Variants in CACNA2D3 observed in about 807,000 individuals in gnomAD.
CACNA2D3 encodes calcium voltage-gated channel auxiliary subunit alpha2delta 3.
CACNA2D3 carries 60 observed loss-of-function variants against 160.6 expected under a neutral mutation model. That is an observed-to-expected ratio of 0.37 (90% CI 0.30 to 0.46). The LOEUF is 0.46. Among genes scored for constraint, CACNA2D3 ranks in the 20% least tolerant of loss-of-function variants. CACNA2D3 has a pLI of 1.00. For missense variants in CACNA2D3, 1,205 were observed against 1,365.0 expected (o/e 0.88, Z 1.85); for synonymous variants, 558 against 492.9 (o/e 1.13, Z -1.75).
chr3:54,341,941 A>G (rs1319575061), intron 3 of CACNA2D3, among the ~76,000 whole-genome samples: 5 of 152,194 alleles, frequency 3.3e-5, no homozygotes, highest in South Asian at 2.1e-4. Context: ...GTGATCAGGC[A>G]TGGTTCTGAT....
At position 54,871,484 on chromosome 3, in the gene CACNA2D3, C is replaced by T. The variant is rs1332939227; in HGVS notation, c.1627-55C>T. 4.4e-6 allele frequency: 6 copies of T among 1,360,586 alleles called. No individual in the cohort carries two copies. In the African/African-American group the frequency reaches 7.2e-5, roughly 16 times the overall value. The allele number at this position is 1,360,586 out of a possible 1,614,324, so 84.3% of individuals were successfully genotyped here. On this transcript the variant is annotated intron_variant, in intron 17 of 37. Coordinates refer to ENST00000474759, the MANE Select transcript of CACNA2D3 (RefSeq NM_018398.3). Reference sequence around the variant, plus strand: ...CTTGGGAAGGTAAAGATTGCCCTGGCTGATGACTTCACGGACTTTTGTTTT... The same window carrying T: ...CTTGGGAAGGTAAAGATTGCCCTGGTTGATGACTTCACGGACTTTTGTTTT...
chr3:54,428,720 T>G (rs1699945417), intron 4 of CACNA2D3, among the ~76,000 whole-genome samples: 1 of 152,216 alleles, frequency 6.6e-6, no homozygotes, highest in African/African-American at 2.4e-5. Flanking sequence ...AAAATCTGCC[T>G]TATTTAAACC....
chr3:54,860,549 G>A (rs538707412), intron 17 of CACNA2D3, among the ~76,000 whole-genome samples: 47 of 152,282 alleles, frequency 3.1e-4, no homozygotes, highest in African/African-American at 9.1e-4. Flanking sequence ...TGTTATGTTC[G>A]TATATATTTA....
chr3:54,586,568 C>T (rs927755232), intron 9 of CACNA2D3, among the ~76,000 whole-genome samples: 2 of 152,100 alleles, frequency 1.3e-5, no homozygotes, highest in African/African-American at 2.4e-5. Context: ...GACAGATTTA[C>T]AATTATAGTT....
chr3:54,819,362 A>G (rs954361250), intron 14 of CACNA2D3, among the ~76,000 whole-genome samples: 1 of 152,222 alleles, frequency 6.6e-6, no homozygotes, highest in African/African-American at 2.4e-5. Flanking sequence ...CCCTCAAAAT[A>G]TAGAGTTCTT....
chr3:54,702,160 A>G (rs1050511746), intron 11 of CACNA2D3, among the ~76,000 whole-genome samples: 2 of 152,208 alleles, frequency 1.3e-5, no homozygotes, highest in African/African-American at 4.8e-5. Flanking sequence ...TGAAAACCCT[A>G]GAAGAAAACC....
At chr3:54,202,722 CTG>C (rs1701201291) in intron 2 of CACNA2D3, among the ~76,000 whole-genome samples, 1 of 152,176 alleles carries the variant, frequency 6.6e-6, no homozygotes, top group African/African-American at 2.4e-5. Context: ...ACCCAGGAAA[CTG>C]GGGATAATAG....
chr3:54,161,351 A>G (rs1199561172), intron 2 of CACNA2D3, among the ~76,000 whole-genome samples: 1 of 152,214 alleles, frequency 6.6e-6, no homozygotes, highest in Non-Finnish European at 1.5e-5. Context: ...TAAAGGAGAC[A>G]GCAGTCTTAG....
intron 2 of CACNA2D3, among the ~76,000 whole-genome samples, chr3:54,291,547 T>G (rs1238890849): frequency 1.3e-5 from 2 of 152,208 alleles, no homozygotes; most frequent in East Asian, 3.8e-4. Context: ...TAATCTTTTT[T>G]TTAAAAAAGG....
At chr3:54,457,630 C>T (rs1007333334) in intron 4 of CACNA2D3, among the ~76,000 whole-genome samples, 19 of 151,920 alleles carry the variant, frequency 1.3e-4, no homozygotes, top group African/African-American at 4.3e-4. Context: ...TATAGATGAT[C>T]TGTCCAGTAC....
intron 13 of CACNA2D3, among the ~76,000 whole-genome samples, chr3:54,778,144 A>G (rs1559578808): frequency 2.6e-5 from 4 of 152,042 alleles, no homozygotes; most frequent in African/African-American, 9.7e-5. Context: ...GAGCAGAAGG[A>G]AGAGAGAGAG....
intron 4 of CACNA2D3, among the ~76,000 whole-genome samples, chr3:54,410,363 A>G (rs888164165): frequency 6.7e-6 from 1 of 149,498 alleles, no homozygotes; most frequent in Non-Finnish European, 1.5e-5. Context: ...CAGGAAAAAG[A>G]AAAAAAAAAG....
At chr3:54,494,784 A>G (rs1701177115) in intron 4 of CACNA2D3, among the ~76,000 whole-genome samples, 1 of 152,122 alleles carries the variant, frequency 6.6e-6, no homozygotes, top group Admixed American at 6.5e-5. Flanking sequence ...ACTTACAATC[A>G]TGGCAGAAGG....
chr3:54,807,461 C>T lies in CACNA2D3; in HGVS notation c.1381-9392C>T, dbSNP rs555369433. Among the ~76,000 whole-genome samples the T allele has an allele frequency of 7.3e-3, 1,114 of 152,110 alleles. 14 individuals are homozygous for T. The highest frequency in any genetic ancestry group is 0.025 in the African/African-American group (1,031 of 41,400). On this transcript the variant is annotated intron_variant, in intron 13 of 37. Coordinates refer to ENST00000474759, the MANE Select transcript of CACNA2D3 (RefSeq NM_018398.3). ...CAAAAAACACATGAAAAAATGCTCA[C>T]CATCACTGGCCATCAGAGAAATGCA...
At chr3:54,848,214 C>T (rs897264066) in intron 17 of CACNA2D3, among the ~76,000 whole-genome samples, 1 of 152,244 alleles carries the variant, frequency 6.6e-6, no homozygotes, top group Non-Finnish European at 1.5e-5. Flanking sequence ...CTGATGCACT[C>T]TCCAGAGCTG....
At chr3:54,856,702 AAAC>A (rs1482740464) in intron 17 of CACNA2D3, among the ~76,000 whole-genome samples, 1 of 152,230 alleles carries the variant, frequency 6.6e-6, no homozygotes, top group East Asian at 1.9e-4. Context: ...AAATCTGAGA[AAAC>A]AAAAAGTCGG....
intron 5 of CACNA2D3, among the ~76,000 whole-genome samples, chr3:54,540,206 A>G (rs930393941): frequency 6.6e-5 from 10 of 152,122 alleles, no homozygotes; most frequent in African/African-American, 9.7e-5. Context: ...GGAAATAATG[A>G]TTTCCTGCAA....
chr3:54,262,606 T>TA (rs55633175), intron 2 of CACNA2D3, among the ~76,000 whole-genome samples: 73,198 of 150,716 alleles, frequency 0.49, 18,005 homozygotes, highest in Admixed American at 0.6. Flanking sequence ...AATTTTGAAT[T>TA]AAAAAAAAAA....
intron 29 of CACNA2D3, among the ~76,000 whole-genome samples, chr3:54,974,284 G>A (rs115493384): frequency 6.6e-6 from 1 of 152,334 alleles, no homozygotes; most frequent in African/African-American, 2.4e-5. Flanking sequence ...TAGGTACTAT[G>A]CTCAGTACTT....
Sources: allele counts gnomAD v4.1 joint callset (sites outside exome capture counted in the v4.1 genomes callset), GRCh38; gene constraint gnomAD v4.1.1; transcripts MANE v1.5; gene names NCBI Gene and HGNC (gene_info 2026-07-23, HGNC 2026-07-21).